ISLR: variants seen among roughly 807,000 people sequenced by gnomAD.
ISLR encodes the protein immunoglobulin superfamily containing leucine rich repeat.
ISLR carries 9 observed loss-of-function variants against 11.0 expected under a neutral mutation model. The ratio of observed to expected loss-of-function variants is 0.82; its 90% confidence interval spans 0.49 to 1.43. The LOEUF is 1.43. Ranked by LOEUF, ISLR falls within the 40% of genes most tolerant of loss-of-function variation. ISLR has a pLI of 0.00. For synonymous variants in ISLR, 262 were observed against 264.1 expected (o/e 0.99, Z 0.08); for missense variants, 510 against 576.4 (o/e 0.88, Z 1.18).
chr15:74,174,664 G>A (rs914687043), intron 1 of ISLR, 187 bp from the exon 2 acceptor site: 3 of 508,412 alleles, frequency 5.9e-6, no homozygotes, highest in South Asian at 4.0e-5. Flanking sequence ...GCAAGTCTCC[G>A]CCCTTCTCTT....
Position 74,176,059 on chromosome 15 carries a change from G to C in ISLR, c.1201G>C (p.Ala401Pro), listed in dbSNP as rs777902910. 6 of 1,610,680 alleles carry C rather than the reference G, an allele frequency of 3.7e-6. No individual in the cohort carries two copies. Among genetic ancestry groups the C allele is most frequent in the Non-Finnish European group, 5.1e-6 (6 of 1,178,064 alleles). Residue 401 changes from alanine (A) to proline (P), a missense_variant, in exon 2 of 2, where the codon GCA becomes CCA. By Grantham distance (27) the Ala-to-Pro change is conservative. Transcript: ENST00000249842. ...TGCTGGGAACCCTGAGGCTGCAGTC[G>C]CAGAAGGGGTCCCTGGGCAGCTGCC... is the stretch of plus-strand genomic sequence containing the variant. Reference protein sequence around the residue: ...SRAGNPEAAVAEGVPGQLPPG... With the variant: ...SRAGNPEAAVPEGVPGQLPPG...
Position 74,176,008 on chromosome 15 carries a change from A to G in ISLR, c.1150A>G (p.Asn384Asp). ...NEVQPSGPED[N>D]VVIIYLSRAG... ...GGTGCAGCCATCAGGGCCGGAGGAC[A>G]ATGTGGTCATCATCTACCTCAGCCG... is the stretch of plus-strand genomic sequence containing the variant. The change falls in exon 2 of 2, where the codon AAT (asparagine) becomes GAT (aspartate). Residue 384 changes from asparagine (N) to aspartate (D), a missense_variant. Coordinates refer to ENST00000249842, the MANE Select transcript of ISLR (RefSeq NM_005545.4). The G allele has an allele frequency of 3.1e-6, 5 of 1,613,464 alleles. No homozygotes were observed. The African/African-American group carries it at 4.0e-5, about 13-fold the overall frequency.
At chr15:74,174,322 C>T (rs1301852633) in intron 1 of ISLR, 2 of 153,496 alleles carry the variant, frequency 1.3e-5, no homozygotes, top group African/African-American at 4.8e-5. Flanking sequence ...TGTGATTCCA[C>T]AGAAAAGGCC....
Position 74,176,566 on chromosome 15 carries a change from AGAG to A in ISLR, c.*427_*429del, listed in dbSNP as rs1165906042. ...TGGTCTGAAGCAGACAGGGAATGGGAGAGGAGGATGGGAAGTAGACAGTGGCTG... is the reference window on the plus strand; with the variant it reads ...TGGTCTGAAGCAGACAGGGAATGGGAGAGGATGGGAAGTAGACAGTGGCTG... On this transcript the variant is annotated 3_prime_UTR_variant, in exon 2 of 2. Coordinates refer to ENST00000249842, the MANE Select transcript of ISLR (RefSeq NM_005545.4). 1 of 194,376 alleles carries A rather than the reference AGAG, an allele frequency of 5.1e-6. No individual in the cohort carries two copies. Among genetic ancestry groups the A allele is most frequent in the African/African-American group, 2.4e-5 (1 of 42,408 alleles). 12.0% of individuals were successfully genotyped at this position (194,376 alleles called of 1,614,324 possible).
At position 74,175,249 on chromosome 15, in the gene ISLR, A is replaced by G. The variant is rs746006657; in HGVS notation, c.391A>G (p.Ser131Gly). 1.9e-6 allele frequency: 3 copies of G among 1,613,362 alleles called. No individual in the cohort carries two copies. The highest frequency in any genetic ancestry group is 1.1e-5 in the South Asian group (1 of 91,076). ...TGCCCTCCAATTGCTCAAGATGGAC[A>G]GCAACGAGCTGACCTTCATCCCCCG... ...LSALQLLKMD[S>G]NELTFIPRDA... Residue 131 changes from serine to glycine, a missense_variant, in exon 2 of 2, where the codon AGC (serine) becomes GGC (glycine). By Grantham distance (56) the Ser-to-Gly change is moderately conservative. Transcript: ENST00000249842. This position sits in a 1 kb window ranked among gnomAD's most constrained non-coding sequence, Gnocchi z 4.7.
chr15:74,176,448 G>A lies in ISLR; in HGVS notation c.*303G>A. On this transcript the variant is annotated 3_prime_UTR_variant, in exon 2 of 2. Transcript: ENST00000249842. ...ACGGGGCGACGTCCTAATCCAACTG[G>A]GAGAAGCCTCAGTGGTGGAATTCCA... The A allele has an allele frequency of 5.6e-6, 2 of 360,340 alleles. No homozygotes were observed. The highest frequency in any genetic ancestry group is 9.0e-5 in the East Asian group (2 of 22,314). 22.3% of individuals were successfully genotyped at this position (360,340 alleles called of 1,614,324 possible). A position where few individuals can be genotyped will look rare whatever the true frequency, so the allele number is the denominator to read the frequency against.
In ISLR at chr15:74,176,009, ATG is replaced by A. The variant is rs2072792192; in HGVS notation, c.1154_1155del (p.Val385GlyfsTer12). The A allele has an allele frequency of 3.1e-6, 5 of 1,613,386 alleles. No homozygotes were observed. Among genetic ancestry groups the A allele is most frequent in the Non-Finnish European group, 3.4e-6 (4 of 1,179,656 alleles). On this transcript the variant is annotated frameshift_variant, in exon 2 of 2. Transcript: ENST00000249842. LOFTEE classifies it low-confidence loss of function (END_TRUNC). Reference sequence around the variant, plus strand: ...GTGCAGCCATCAGGGCCGGAGGACAATGTGGTCATCATCTACCTCAGCCGTGC... The same window carrying A: ...GTGCAGCCATCAGGGCCGGAGGACAATGGTCATCATCTACCTCAGCCGTGC...
Position 74,175,059 on chromosome 15 carries a change from G to A in ISLR, c.201G>A (p.Glu67=), listed in dbSNP as rs1470165937. The A allele has an allele frequency of 6.2e-7, 1 of 1,611,484 alleles. No homozygotes were observed. Among genetic ancestry groups the A allele is most frequent in the Non-Finnish European group, 8.5e-7 (1 of 1,179,136 alleles). The change falls in exon 2 of 2, where the codon GAG becomes GAA. Residue 67 remains glutamate, a synonymous_variant. Coordinates refer to ENST00000249842, the MANE Select transcript of ISLR (RefSeq NM_005545.4). The surrounding 1 kb of genome is among the most constrained non-coding windows in gnomAD (Gnocchi z 4.7). ...CCAACCGGCTGCCAGGCTTGCCGGAGGGTGCCTTCAGGGAGGTGCCCCTGC... is the reference window on the plus strand; with the variant it reads ...CCAACCGGCTGCCAGGCTTGCCGGAAGGTGCCTTCAGGGAGGTGCCCCTGC... ...LSANRLPGLP[E]GAFREVPLLQ...
Position 74,175,455 on chromosome 15 carries a change from C to G in ISLR, c.597C>G (p.Ala199=). ...VWLKTWALTT[A]VSIPEQDNIA... ...TCAAGACATGGGCCCTGACCACGGCCGTGTCCATCCCGGAGCAGGACAACA... is the reference window on the plus strand; with the variant it reads ...TCAAGACATGGGCCCTGACCACGGCGGTGTCCATCCCGGAGCAGGACAACA... Residue 199 remains alanine (A), a synonymous_variant, in exon 2 of 2, where the codon GCC becomes GCG. Transcript: ENST00000249842. The surrounding 1 kb of genome is among the most constrained non-coding windows in gnomAD (Gnocchi z 4.7). 6.2e-7 allele frequency: 1 copy of G among 1,611,290 alleles called. No homozygotes were observed. Among genetic ancestry groups the G allele is most frequent in the Non-Finnish European group, 8.5e-7 (1 of 1,179,942 alleles).
At chr15:74,174,078 C>T in intron 1 of ISLR, 59 bp downstream of exon 1, 1 of 152,656 alleles carries the variant, frequency 6.6e-6, no homozygotes, top group Non-Finnish European at 1.5e-5. Context: ...GCCTGTTGGA[C>T]ATAGGGGCTG....
chr15:74,175,030 T>C lies in ISLR; in HGVS notation c.172T>C (p.Ser58Pro), dbSNP rs760889593. 4 of 1,611,444 alleles carry C rather than the reference T, an allele frequency of 2.5e-6. No homozygotes were observed. In the East Asian group the frequency reaches 8.9e-5, roughly 36 times the overall value. ...FPANVTTLSL[S>P]ANRLPGLPEG... ...GGCCAATGTGACTACACTGAGCCTG[T>C]CAGCCAACCGGCTGCCAGGCTTGCC... is the stretch of plus-strand genomic sequence containing the variant. Residue 58 changes from serine (S) to proline (P), a missense_variant, in exon 2 of 2, where the codon TCA (serine) becomes CCA (proline). Transcript: ENST00000249842. This position sits in a 1 kb window ranked among gnomAD's most constrained non-coding sequence, Gnocchi z 4.7.
In ISLR at chr15:74,176,330, C is replaced by T; in HGVS notation, c.*185C>T. The T allele has an allele frequency of 1.9e-6, 1 of 539,088 alleles. No homozygotes were observed. The highest frequency in any genetic ancestry group is 3.3e-6 in the Non-Finnish European group (1 of 301,700). The allele number at this position is 539,088 out of a possible 1,614,324, so 33.4% of individuals were successfully genotyped here. Reference sequence around the variant, plus strand: ...TTCTAGACCTGCTCCAAACTAGTGACTAGGATAGAATTTGATCCCCTAACT... The same window carrying T: ...TTCTAGACCTGCTCCAAACTAGTGATTAGGATAGAATTTGATCCCCTAACT... On this transcript the variant is annotated 3_prime_UTR_variant, in exon 2 of 2. Coordinates refer to ENST00000249842, the MANE Select transcript of ISLR (RefSeq NM_005545.4).
Position 74,174,936 on chromosome 15 carries a change from G to A in ISLR, c.78G>A (p.Gly26=), listed in dbSNP as rs374130538. The change falls in exon 2 of 2, where the codon GGG becomes GGA. Residue 26 remains glycine (G), a synonymous_variant. Transcript: ENST00000249842. ...AQACPEPCDC[G]EKYGFQIADC... ...CCTGCCCTGAGCCCTGCGACTGTGG[G>A]GAAAAGTATGGCTTCCAGATCGCCG... 6.2e-6 allele frequency: 10 copies of A among 1,607,308 alleles called. No individual in the cohort carries two copies. The African/African-American group carries it at 1.1e-4, about 17-fold the overall frequency.
intron 1 of ISLR, 90 bp from the exon 2 acceptor site, chr15:74,174,761 A>G: frequency 1.9e-6 from 2 of 1,033,764 alleles, no homozygotes; most frequent in East Asian, 2.6e-5. Flanking sequence ...GGGCCTCCTG[A>G]TGGGAAAGAG....
chr15:74,174,855 C>A lies in ISLR; in HGVS notation c.-4C>A. On this transcript the variant is annotated 5_prime_UTR_variant, in exon 2 of 2. Coordinates refer to ENST00000249842, the MANE Select transcript of ISLR (RefSeq NM_005545.4). ...GTGACATGCCTTTCTCTGCAGGAGG[C>A]ACCATGCAGGAGCTGCATCTGCTCT... 1 of 1,517,574 alleles carries A rather than the reference C, an allele frequency of 6.6e-7. No homozygotes were observed. Among genetic ancestry groups the A allele is most frequent in the Non-Finnish European group, 8.8e-7 (1 of 1,136,946 alleles). The allele number at this position is 1,517,574 out of a possible 1,614,324, so 94.0% of individuals were successfully genotyped here.
In ISLR at chr15:74,176,357, A is replaced by G; in HGVS notation, c.*212A>G. The G allele has an allele frequency of 4.1e-6, 2 of 492,810 alleles. No homozygotes were observed. The highest frequency in any genetic ancestry group is 2.0e-5 in the African/African-American group (1 of 51,082). The allele number at this position is 492,810 out of a possible 1,614,324, so 30.5% of individuals were successfully genotyped here. A position where few individuals can be genotyped will look rare whatever the true frequency, so the allele number is the denominator to read the frequency against. On this transcript the variant is annotated 3_prime_UTR_variant, in exon 2 of 2. Coordinates refer to ENST00000249842, the MANE Select transcript of ISLR (RefSeq NM_005545.4). ...AGGATAGAATTTGATCCCCTAACTCACTGTCTGCGGTGCTCATTGCTGCTA... is the reference window on the plus strand; with the variant it reads ...AGGATAGAATTTGATCCCCTAACTCGCTGTCTGCGGTGCTCATTGCTGCTA...
intron 1 of ISLR, 191 bp from the exon 2 acceptor site, chr15:74,174,660 C>T: frequency 2.0e-6 from 1 of 509,488 alleles, no homozygotes; most frequent in Non-Finnish European, 3.4e-6. Context: ...TCGGGCAAGT[C>T]TCCGCCCTTC....
Position 74,173,884 on chromosome 15 carries a change from C to G in ISLR, c.-144C>G, listed in dbSNP as rs1455026309. 1 of 153,786 alleles carries G rather than the reference C, an allele frequency of 6.5e-6. No individual in the cohort carries two copies. Among genetic ancestry groups the G allele is most frequent in the African/African-American group, 2.4e-5 (1 of 41,506 alleles). 9.5% of individuals were successfully genotyped at this position (153,786 alleles called of 1,614,324 possible). On this transcript the variant is annotated 5_prime_UTR_variant, in exon 1 of 2. Coordinates refer to ENST00000249842, the MANE Select transcript of ISLR (RefSeq NM_005545.4). ...CCTGCACATCGAAGGTGGGGTGGGA[C>G]CAGGCTGCCCCTCGCCCCAGCATCC...
Position 74,175,835 on chromosome 15 carries a change from G to T in ISLR, c.977G>T (p.Ser326Ile). The T allele has an allele frequency of 6.2e-7, 1 of 1,613,994 alleles. No homozygotes were observed. Among genetic ancestry groups the T allele is most frequent in the Non-Finnish European group, 8.5e-7 (1 of 1,180,012 alleles). Residue 326 changes from serine (S) to isoleucine (I), a missense_variant, in exon 2 of 2, where the codon AGC becomes ATC. Coordinates refer to ENST00000249842, the MANE Select transcript of ISLR (RefSeq NM_005545.4). The surrounding 1 kb of genome is among the most constrained non-coding windows in gnomAD (Gnocchi z 4.7). ...GGCAAGCTGGAGGAAGGCACCTACAGCTGCCTGGCCACCAATGAGCTGGGC... is the reference window on the plus strand; with the variant it reads ...GGCAAGCTGGAGGAAGGCACCTACATCTGCCTGGCCACCAATGAGCTGGGC... The part of the protein sequence containing the change: ...DFGKLEEGTY[S>I]CLATNELGSA...
Sources: gnomAD v4.1 joint callset for allele counts on GRCh38, gnomAD v4.1.1 for gene constraint, Gnocchi (gnomAD v3.1) non-coding constraint, MANE v1.5 for transcripts, NCBI Gene and HGNC (gene_info 2026-07-23, HGNC 2026-07-21) for gene names.